Variants in SGPP1 observed in about 807,000 individuals in gnomAD.
The protein encoded by SGPP1 is hSPP1.
A neutral mutation model predicts 33.0 loss-of-function variants in SGPP1; 21 were observed. The observed-to-expected ratio is 0.64, with a 90% CI of 0.45 to 0.92. The LOEUF (loss-of-function observed/expected upper bound fraction) is 0.92. SGPP1 is among the 40% of genes least tolerant of loss of function. The pLI is 0.00. For synonymous variants in SGPP1, 239 were observed against 241.2 expected (o/e 0.99, Z 0.08); for missense variants, 543 against 589.4 (o/e 0.92, Z 0.81).
intron 2 of SGPP1, among the ~76,000 whole-genome samples, chr14:63,690,064 T>TTTTG (rs1566816857): frequency 1.3e-4 from 20 of 152,132 alleles, no homozygotes; most frequent in African/African-American, 4.6e-4. Flanking sequence ...GCTTCTCTGT[T>TTTTG]TTTTGTTTTG....
intron 1 of SGPP1, among the ~76,000 whole-genome samples, chr14:63,707,054 A>C (rs1267572276): frequency 4.0e-5 from 6 of 151,404 alleles, no homozygotes; most frequent in African/African-American, 1.2e-4. Flanking sequence ...AAAAAAAAAA[A>C]AAAAAAACTG....
chr14:63,716,363 G>A lies in SGPP1; in HGVS notation c.684+10898C>T, dbSNP rs181496419. Among the ~76,000 whole-genome samples the A allele has an allele frequency of 4.5e-3, 680 of 151,878 alleles. 6 individuals carry two copies. The highest frequency in any genetic ancestry group is 0.015 in the African/African-American group (633 of 41,422). On this transcript the variant is annotated intron_variant, in intron 1 of 2. Coordinates refer to ENST00000247225, the MANE Select transcript of SGPP1 (RefSeq NM_030791.4). Reference sequence around the variant, plus strand: ...ACAAAAATTACCTGGGTGTGGTGGCGAGCGCCTGTAATCCCAGGTACTTGG... The same window carrying A: ...ACAAAAATTACCTGGGTGTGGTGGCAAGCGCCTGTAATCCCAGGTACTTGG...
intron 2 of SGPP1, among the ~76,000 whole-genome samples, chr14:63,692,166 C>T (rs1885104531): frequency 6.6e-6 from 1 of 152,210 alleles, no homozygotes; most frequent in Admixed American, 6.5e-5. Context: ...TCACATTTAA[C>T]CATAACAACC....
chr14:63,708,315 G>A (rs886213810), intron 1 of SGPP1, among the ~76,000 whole-genome samples: 27 of 131,572 alleles, frequency 2.1e-4, no homozygotes, highest in African/African-American at 7.7e-4. Context: ...GGAGTGCAAT[G>A]CCCCATCTCG....
intron 1 of SGPP1, among the ~76,000 whole-genome samples, chr14:63,713,050 C>G (rs905102653): frequency 6.6e-6 from 1 of 152,090 alleles, no homozygotes; most frequent in African/African-American, 2.4e-5. Context: ...CTGTGCCCAG[C>G]AGACCCTCTC....
intron 2 of SGPP1, among the ~76,000 whole-genome samples, chr14:63,693,107 T>C (rs1486501857): frequency 6.6e-6 from 1 of 152,176 alleles, no homozygotes. Flanking sequence ...TTCTTGTATT[T>C]TTTTTTATAA....
chr14:63,708,402 C>A (rs1885458788), intron 1 of SGPP1, among the ~76,000 whole-genome samples: 1 of 151,526 alleles, frequency 6.6e-6, no homozygotes, highest in Non-Finnish European at 1.5e-5. Flanking sequence ...ATTACAGGTG[C>A]CCACCACCAT....
chr14:63,700,324 A>T (rs1362439133), intron 1 of SGPP1, among the ~76,000 whole-genome samples: 1 of 152,090 alleles, frequency 6.6e-6, no homozygotes, highest in African/African-American at 2.4e-5. Flanking sequence ...ATGGCAGTAA[A>T]CCCACTATAC....
chr14:63,696,158 T>C (rs1885182563), intron 2 of SGPP1, among the ~76,000 whole-genome samples: 1 of 151,982 alleles, frequency 6.6e-6, no homozygotes, highest in African/African-American at 2.4e-5. Context: ...CATGGTGGCA[T>C]GCACCTGTAA....
intron 2 of SGPP1, among the ~76,000 whole-genome samples, chr14:63,696,711 C>T (rs1467192152): frequency 6.6e-6 from 1 of 152,192 alleles, no homozygotes; most frequent in Admixed American, 6.5e-5. Flanking sequence ...TAGGGCTGGG[C>T]GCAGTGGCTC....
chr14:63,727,311 C>T lies in SGPP1; in HGVS notation c.634G>A (p.Gly212Ser), dbSNP rs765580677. The change falls in exon 1 of 3, where the codon GGC (glycine) becomes AGC (serine). Residue 212 changes from glycine to serine, a missense_variant. By Grantham distance (56) the Gly-to-Ser change is moderately conservative. Coordinates refer to ENST00000247225, the MANE Select transcript of SGPP1 (RefSeq NM_030791.4). The part of the protein sequence containing the change: ...YSMPSTHAMS[G>S]TAIPISMVLL... ...ACCATAGAAATGGGGATGGCGGTGC[C>T]GGACATGGCATGGGTGGAGGGCATG... 1.9e-6 allele frequency: 3 copies of T among 1,613,934 alleles called. No homozygotes were observed. Among genetic ancestry groups the T allele is most frequent in the African/African-American group, 2.7e-5 (2 of 75,026 alleles).
In SGPP1 at chr14:63,687,610, G is replaced by A. The variant is rs369469789; in HGVS notation, c.775-954C>T. Among the ~76,000 whole-genome samples, 41 of 152,302 alleles carry A rather than the reference G, an allele frequency of 2.7e-4. No homozygotes were observed. The South Asian group carries it at 8.3e-3, about 31-fold the overall frequency. On this transcript the variant is annotated intron_variant, in intron 2 of 2. Transcript: ENST00000247225. ...TTGAGCACAGATCTGATTCTAAAGG[G>A]AGCCTATATTTAGAGGCAGAGGAAA...
intron 1 of SGPP1, among the ~76,000 whole-genome samples, chr14:63,709,796 A>G (rs1224749548): frequency 2.0e-5 from 3 of 152,186 alleles, no homozygotes; most frequent in Non-Finnish European, 4.4e-5. Flanking sequence ...TCATACCACT[A>G]TCTAATCTTT....
intron 2 of SGPP1, among the ~76,000 whole-genome samples, chr14:63,687,791 C>T (rs1698301368): frequency 6.6e-6 from 1 of 152,170 alleles, no homozygotes; most frequent in Admixed American, 6.5e-5. Flanking sequence ...AGTTGGAGAC[C>T]AGGCTGGGCA....
intron 1 of SGPP1, among the ~76,000 whole-genome samples, chr14:63,699,927 C>G (rs1885261430): frequency 6.6e-6 from 1 of 152,044 alleles, no homozygotes; most frequent in African/African-American, 2.4e-5. Context: ...CATTAGTATA[C>G]AGAAGGATTC....
chr14:63,715,370 CATT>C (rs1379213023), intron 1 of SGPP1, among the ~76,000 whole-genome samples: 2 of 152,114 alleles, frequency 1.3e-5, no homozygotes, highest in African/African-American at 2.4e-5. Context: ...GTGCAACTGT[CATT>C]AGTATACCTG....
intron 1 of SGPP1, among the ~76,000 whole-genome samples, chr14:63,719,651 T>A (rs1885726873): frequency 6.6e-6 from 1 of 152,000 alleles, no homozygotes; most frequent in Admixed American, 6.6e-5. Context: ...TTATGTCATA[T>A]TAATATATTG....
intron 1 of SGPP1, among the ~76,000 whole-genome samples, chr14:63,710,767 T>C (rs997950512): frequency 6.6e-6 from 1 of 152,214 alleles, no homozygotes; most frequent in African/African-American, 2.4e-5. Context: ...GACGAGATCA[T>C]GTAAAGAAAA....
At chr14:63,718,997 TA>T (rs1885698554) in intron 1 of SGPP1, among the ~76,000 whole-genome samples, 9 of 22,432 alleles carry the variant, frequency 4.0e-4, no homozygotes, top group African/African-American at 6.5e-4. Context: ...TATATATATA[TA>T]TATATATATA....
Sources: allele counts gnomAD v4.1 joint callset (sites outside exome capture counted in the v4.1 genomes callset), GRCh38; gene constraint gnomAD v4.1.1; transcripts MANE v1.5; gene names NCBI Gene and HGNC (gene_info 2026-07-23, HGNC 2026-07-21).